GRIA4: variants seen among roughly 807,000 people sequenced by gnomAD.
GRIA4 encodes glutamate ionotropic receptor AMPA type subunit 4, also known as glutamate receptor 4.
GRIA4 carries 34 observed loss-of-function variants against 104.0 expected under a neutral mutation model. That is an observed-to-expected ratio of 0.33 (90% confidence interval 0.25 to 0.44). GRIA4 has a LOEUF of 0.44. Ranked by LOEUF, GRIA4 falls within the 20% of genes least tolerant of loss-of-function variation. The pLI, the probability that GRIA4 is intolerant of heterozygous loss-of-function variation, is 1.00. For missense variants in GRIA4, 750 were observed against 1,096.5 expected (o/e 0.68, Z 4.46); for synonymous variants, 386 against 381.9 (o/e 1.01, Z -0.13).
chr11:105,637,435 A>G (rs1326059324), intron 3 of GRIA4, among the ~76,000 whole-genome samples: 1 of 150,232 alleles, frequency 6.7e-6, no homozygotes, highest in African/African-American at 2.5e-5. Context: ...GAATTATCTC[A>G]GGAAATAGGT....
At chr11:105,740,464 T>C (rs1396362538) in intron 3 of GRIA4, among the ~76,000 whole-genome samples, 1 of 152,236 alleles carries the variant, frequency 6.6e-6, no homozygotes, top group Non-Finnish European at 1.5e-5. Flanking sequence ...TCTGCAAATA[T>C]TAATTGAACA....
intron 3 of GRIA4, among the ~76,000 whole-genome samples, chr11:105,683,930 A>C (rs951600070): frequency 6.6e-6 from 1 of 151,904 alleles, no homozygotes; most frequent in Non-Finnish European, 1.5e-5. Flanking sequence ...GCTGGAGTGC[A>C]ATGGCGCCAT....
At chr11:105,709,813 C>T (rs530703802) in intron 3 of GRIA4, among the ~76,000 whole-genome samples, 5 of 152,086 alleles carry the variant, frequency 3.3e-5, no homozygotes, top group African/African-American at 4.8e-5. Context: ...GGAGGCAGTA[C>T]GTAGATTACA....
chr11:105,959,899 T>G (rs1948691205), intron 14 of GRIA4, among the ~76,000 whole-genome samples: 1 of 152,152 alleles, frequency 6.6e-6, no homozygotes, highest in Non-Finnish European at 1.5e-5. Flanking sequence ...TTGCTGGAGA[T>G]TTACTTTAGG....
intron 13 of GRIA4, among the ~76,000 whole-genome samples, chr11:105,930,269 C>T (rs971360389): frequency 6.6e-6 from 1 of 152,102 alleles, no homozygotes; most frequent in African/African-American, 2.4e-5. Flanking sequence ...TCCCCTTCAT[C>T]CCATTGTCCT....
chr11:105,772,388 A>G (rs1212592364), intron 4 of GRIA4, among the ~76,000 whole-genome samples: 1 of 152,122 alleles, frequency 6.6e-6, no homozygotes, highest in Admixed American at 6.6e-5. Flanking sequence ...CAGACAGACA[A>G]TTCATCTTCT....
intron 4 of GRIA4, among the ~76,000 whole-genome samples, chr11:105,784,453 A>T (rs548236074): frequency 1.7e-4 from 26 of 152,296 alleles, no homozygotes; most frequent in African/African-American, 6.3e-4. Flanking sequence ...TGAAAGGAGC[A>T]TTTCATTATT....
chr11:105,810,941 T>C (rs1210668778), intron 4 of GRIA4, among the ~76,000 whole-genome samples: 1 of 152,222 alleles, frequency 6.6e-6, no homozygotes, highest in Non-Finnish European at 1.5e-5. Context: ...TATTGATTAC[T>C]GCTTATTTTT....
chr11:105,812,560 G>T (rs1943218551), intron 4 of GRIA4, among the ~76,000 whole-genome samples: 1 of 151,908 alleles, frequency 6.6e-6, no homozygotes. Flanking sequence ...TGACTTAATT[G>T]GGTCTTGGAG....
chr11:105,917,483 C>A (rs993589783), intron 10 of GRIA4, among the ~76,000 whole-genome samples: 2 of 152,088 alleles, frequency 1.3e-5, no homozygotes, highest in Non-Finnish European at 1.5e-5. Flanking sequence ...AAGTAAATTA[C>A]CTTCTATTAT....
chr11:105,757,651 C>T (rs530788380), intron 4 of GRIA4, among the ~76,000 whole-genome samples: 2 of 152,166 alleles, frequency 1.3e-5, no homozygotes, highest in Non-Finnish European at 2.9e-5. Context: ...GGGTCAGTTT[C>T]GTTGTCATCA....
rs868349738 is a variant in GRIA4 at position 105,794,518 on chromosome 11, T to C, written c.487+41298T>C. Among the ~76,000 whole-genome samples the C allele has an allele frequency of 6.9e-3, 834 of 120,914 alleles. 26 individuals are homozygous for C. The highest frequency in any genetic ancestry group is 0.024 in the African/African-American group (766 of 31,666). The allele number at this position is 120,914 out of a possible 152,430, so 79.3% of individuals were successfully genotyped here. ...ATATATATATATATATATATACATA[T>C]ACACACACACACATATCTGTCTCTC... On this transcript the variant is annotated intron_variant, in intron 4 of 16. Coordinates refer to ENST00000282499, the MANE Select transcript of GRIA4 (RefSeq NM_000829.4).
intron 4 of GRIA4, among the ~76,000 whole-genome samples, chr11:105,778,609 G>A (rs1003709222): frequency 6.6e-6 from 1 of 152,094 alleles, no homozygotes; most frequent in Non-Finnish European, 1.5e-5. Context: ...GGAGGCTGAG[G>A]CAGGAGAATT....
At chr11:105,613,478 A>T (rs966193944) in intron 3 of GRIA4, 2 of 152,186 alleles carry the variant, frequency 1.3e-5, no homozygotes, top group African/African-American at 4.8e-5. Context: ...AGTTAATAAA[A>T]TGTTCAAGCT....
At chr11:105,794,226 C>T (rs566999636) in intron 4 of GRIA4, among the ~76,000 whole-genome samples, 4 of 151,468 alleles carry the variant, frequency 2.6e-5, no homozygotes, top group East Asian at 2.0e-4. Context: ...TTTGTGGGCA[C>T]TTATTGATCT....
At chr11:105,702,840 A>G (rs1303881534) in intron 3 of GRIA4, among the ~76,000 whole-genome samples, 1 of 151,806 alleles carries the variant, frequency 6.6e-6, no homozygotes, top group Non-Finnish European at 1.5e-5. Context: ...GATTACAGGC[A>G]TGTACTATGA....
chr11:105,972,422 A>G (rs1177337052), intron 15 of GRIA4, among the ~76,000 whole-genome samples: 1 of 152,122 alleles, frequency 6.6e-6, no homozygotes, highest in Admixed American at 6.6e-5. Context: ...AGTAAACCAG[A>G]AAAAGGAGAT....
chr11:105,734,532 C>T (rs190477310), intron 3 of GRIA4, among the ~76,000 whole-genome samples: 40 of 152,206 alleles, frequency 2.6e-4, no homozygotes, highest in Admixed American at 5.2e-4. Context: ...TGATTTCGCT[C>T]TCCTGTTTCA....
At chr11:105,899,779 C>G (rs1168149783) in intron 7 of GRIA4, among the ~76,000 whole-genome samples, 1 of 151,998 alleles carries the variant, frequency 6.6e-6, no homozygotes, top group Non-Finnish European at 1.5e-5. Flanking sequence ...TTAAAGAAAC[C>G]TTATTTAATG....
Sources: gnomAD v4.1 joint callset for allele counts (sites outside exome capture counted in the v4.1 genomes callset) on GRCh38, gnomAD v4.1.1 for gene constraint, MANE v1.5 for transcripts, NCBI Gene and HGNC (gene_info 2026-07-23, HGNC 2026-07-21) for gene names.